The following PHF8 variants were observed in gnomAD, a reference collection of about 807,000 sequenced individuals.
The protein encoded by PHF8 is histone lysine demethylase PHF8.
A neutral mutation model predicts 74.4 loss-of-function variants in PHF8; 9 were observed. The observed-to-expected ratio is 0.12, with a 90% confidence interval of 0.07 to 0.21. PHF8 has a LOEUF of 0.21. Ranked by LOEUF, PHF8 falls within the 10% of genes least tolerant of loss-of-function variation. The pLI is 1.00. For synonymous variants in PHF8, 311 were observed against 316.6 expected, an observed-to-expected ratio of 0.98 and a Z score of 0.19; for missense variants, 478 against 816.6, an observed-to-expected ratio of 0.59 and a Z score of 5.05.
chrX:54,005,953 T>TA (rs1374151312), intron 8 of PHF8, among the ~76,000 whole-genome samples: 1 of 111,997 alleles, frequency 8.9e-6, no homozygotes, highest in Non-Finnish European at 1.9e-5. Context: ...GTGAATACCA[T>TA]AGAATTTCCT....
intron 8 of PHF8, among the ~76,000 whole-genome samples, chrX:54,008,848 T>A (rs782394319): frequency 1.8e-5 from 2 of 110,208 alleles, no homozygotes; most frequent in Non-Finnish European, 3.8e-5. Flanking sequence ...GAATAAAGAG[T>A]GACTGCTAAT....
chrX:54,033,511 G>C (rs180775670), intron 2 of PHF8, among the ~76,000 whole-genome samples: 2 of 111,209 alleles, frequency 1.8e-5, no homozygotes, highest in African/African-American at 6.5e-5. Context: ...TCAGGAGTTC[G>C]AGACCAGCCT....
At chrX:53,975,837 G>A (rs374540716) in intron 18 of PHF8, among the ~76,000 whole-genome samples, 34 of 111,522 alleles carry the variant, frequency 3.0e-4, no homozygotes, top group Admixed American at 2.0e-3. Flanking sequence ...ATAATTTACT[G>A]CATATTTCAA....
At chrX:53,951,057 T>C (rs2064915786) in intron 19 of PHF8, among the ~76,000 whole-genome samples, 1 of 112,203 alleles carries the variant, frequency 8.9e-6, no homozygotes, top group African/African-American at 3.2e-5. Context: ...GAGTATGATG[T>C]CTCACCAAAC....
intron 11 of PHF8, among the ~76,000 whole-genome samples, chrX:53,996,182 T>C (rs914269858): frequency 9.1e-6 from 1 of 110,228 alleles, no homozygotes; most frequent in East Asian, 2.9e-4. Context: ...AATGGTACCA[T>C]CTCGGCTTGC....
intron 2 of PHF8, chrX:54,039,790 G>A (rs190641533): frequency 3.6e-5 from 4 of 112,239 alleles, no homozygotes; most frequent in East Asian, 2.8e-4. Flanking sequence ...CAAATTAACC[G>A]GTGACACATA....
chrX:53,963,890 T>C (rs782684410), intron 18 of PHF8, among the ~76,000 whole-genome samples: 24 of 111,809 alleles, frequency 2.1e-4, no homozygotes, highest in Non-Finnish European at 4.5e-4. Context: ...ACTGGGTATA[T>C]ACCCAGAGGA....
At chrX:54,035,996 A>G (rs1301845529) in intron 2 of PHF8, among the ~76,000 whole-genome samples, 1 of 108,863 alleles carries the variant, frequency 9.2e-6, no homozygotes, top group Non-Finnish European at 1.9e-5. Flanking sequence ...CTGTAGTCCC[A>G]GCTATTCAGG....
In PHF8 at chrX:54,012,177, T is replaced by C. The variant is rs12008167; in HGVS notation, c.784-893A>G. 8.3e-3 allele frequency among the ~76,000 whole-genome samples: 926 copies of C among 111,240 alleles called. 11 individuals are homozygous for C. Among genetic ancestry groups the C allele is most frequent in the African/African-American group, 0.029 (886 of 30,682 alleles). ...TATTAAGATATAAAGAAATATTATGTCTTTACGCACAAATGTCTCAGGAAA... is the reference window on the plus strand; with the variant it reads ...TATTAAGATATAAAGAAATATTATGCCTTTACGCACAAATGTCTCAGGAAA... On this transcript the variant is annotated intron_variant, in intron 7 of 21. Coordinates refer to ENST00000338154, the MANE Select transcript of PHF8 (RefSeq NM_015107.3).
chrX:54,027,642 T>G (rs2146474538), intron 2 of PHF8, among the ~76,000 whole-genome samples: 1 of 111,218 alleles, frequency 9.0e-6, no homozygotes, highest in African/African-American at 3.3e-5. Context: ...TTAGCACCAT[T>G]TTCGCCCTGC....
intron 20 of PHF8, chrX:53,942,608 C>T (rs1176906993): frequency 1.5e-5 from 9 of 598,247 alleles, no homozygotes; most frequent in African/African-American, 1.0e-4. Context: ...TAAATATATT[C>T]CCACTCTTGA....
chrX:53,978,726 A>G (rs1315630870), intron 18 of PHF8, among the ~76,000 whole-genome samples: 2 of 106,715 alleles, frequency 1.9e-5, no homozygotes, highest in African/African-American at 6.9e-5. Flanking sequence ...TGAATCCGGA[A>G]GGCAGAGGTT....
At chrX:54,000,011 G>T in intron 10 of PHF8, 50 bp from the exon 11 acceptor site, 1 of 821,223 alleles carries the variant, frequency 1.2e-6, no homozygotes, top group Non-Finnish European at 1.8e-6. Flanking sequence ...ATGCAGGAAA[G>T]TGAAGGACTT....
intron 2 of PHF8, among the ~76,000 whole-genome samples, chrX:54,032,588 G>A (rs1352316728): frequency 9.0e-6 from 1 of 110,614 alleles, no homozygotes; most frequent in Non-Finnish European, 1.9e-5. Context: ...TCAACCCTGG[G>A]GTGGTACTCC....
intron 18 of PHF8, among the ~76,000 whole-genome samples, chrX:53,981,617 A>G (rs782398978): frequency 8.9e-6 from 1 of 111,816 alleles, no homozygotes; most frequent in African/African-American, 3.2e-5. Flanking sequence ...AATGCCCTCA[A>G]AAGAATCCAG....
intron 19 of PHF8, among the ~76,000 whole-genome samples, chrX:53,954,670 T>C (rs2064988246): frequency 2.8e-5 from 3 of 105,355 alleles, no homozygotes; most frequent in African/African-American, 1.0e-4. Flanking sequence ...TATATAGGTG[T>C]TCATGGTAAT....
In PHF8 at chrX:53,944,190, G is replaced by A; in HGVS notation, c.2593C>T (p.Arg865Trp). ...KQDRPVREGT[R>W]VASIETGLAA... Reference sequence around the variant, plus strand: ...AAACCTGTCTCAATAGAGGCTACCCGGGTCCCCTCACGCACAGGACGGTCC... The same window carrying A: ...AAACCTGTCTCAATAGAGGCTACCCAGGTCCCCTCACGCACAGGACGGTCC... Residue 865 changes from arginine to tryptophan, a missense_variant, in exon 20 of 22, where the codon CGG becomes TGG. Coordinates refer to ENST00000338154, the MANE Select transcript of PHF8 (RefSeq NM_015107.3). 8.3e-7 allele frequency: 1 copy of A among 1,210,031 alleles called. No individual in the cohort carries two copies. The highest frequency in any genetic ancestry group is 3.0e-5 in the East Asian group (1 of 33,832).
intron 4 of PHF8, among the ~76,000 whole-genome samples, chrX:54,021,580 T>G (rs1251398352): frequency 1.0e-5 from 1 of 99,799 alleles, no homozygotes; most frequent in African/African-American, 3.7e-5. Context: ...GCCATTCTCC[T>G]GCCTCAGCCT....
At chrX:53,954,499 C>CAAAAAAAAAAAAA (rs1180184175) in intron 19 of PHF8, among the ~76,000 whole-genome samples, 7 of 13,134 alleles carry the variant, frequency 5.3e-4, no homozygotes, top group Non-Finnish European at 7.1e-4. Flanking sequence ...GACTCTGTCT[C>CAAAAAAAAAAAAA]AAAAAAAAAA....
Sources: gnomAD v4.1 joint callset for allele counts (sites outside exome capture counted in the v4.1 genomes callset) on GRCh38, gnomAD v4.1.1 for gene constraint, MANE v1.5 for transcripts, NCBI Gene and HGNC (gene_info 2026-07-23, HGNC 2026-07-21) for gene names.